Variants in MINDY3 observed in about 807,000 individuals in gnomAD.
MINDY3 encodes the protein ubiquitin carboxyl-terminal hydrolase MINDY-3.
MINDY3 carries 38 observed loss-of-function variants against 69.2 expected under a neutral mutation model. That is an observed-to-expected ratio of 0.55 (90% CI 0.42 to 0.72). MINDY3 has a LOEUF of 0.72. MINDY3 is among the 30% of genes least tolerant of loss of function. MINDY3 has a pLI of 0.00. For synonymous variants in MINDY3, 192 were observed against 180.1 expected (o/e 1.07, Z -0.53); for missense variants, 522 against 519.0 (o/e 1.01, Z -0.06).
In MINDY3 at chr10:15,836,929, CA is replaced by C. The variant is rs1308179200; in HGVS notation, c.576+274del. Among the ~76,000 whole-genome samples the C allele has an allele frequency of 2.0e-5, 3 of 151,802 alleles. No individual in the cohort carries two copies. The East Asian group carries it at 5.8e-4, about 29-fold the overall frequency. The stretch of plus-strand genomic sequence containing the variant: ...GAAGGGGTTAAGGGGTCAAGTGCTA[CA>C]CGGAAGGATCAAAGGAAACACAATT... On this transcript the variant is annotated intron_variant, in intron 6 of 14. Coordinates refer to ENST00000277632, the MANE Select transcript of MINDY3 (RefSeq NM_024948.4).
intron 10 of MINDY3, among the ~76,000 whole-genome samples, chr10:15,805,710 G>A (rs986511822): frequency 6.6e-6 from 1 of 152,124 alleles, no homozygotes. Context: ...CTAGCTCCTA[G>A]CAGAAACTTT....
At chr10:15,841,227 T>C (rs139974607) in intron 4 of MINDY3, among the ~76,000 whole-genome samples, 199 bp downstream of exon 4, 1,566 of 151,506 alleles carry the variant, frequency 0.01, 31 homozygotes, top group African/African-American at 0.036. Context: ...GCATTTTTTT[T>C]TGCAAAAATG....
At chr10:15,826,877 T>C (rs985191601) in intron 8 of MINDY3, among the ~76,000 whole-genome samples, 1 of 151,704 alleles carries the variant, frequency 6.6e-6, no homozygotes, top group Non-Finnish European at 1.5e-5. Flanking sequence ...CATTCATAAA[T>C]ACAAAATCCA....
chr10:15,796,044 A>G (rs1837795802), intron 11 of MINDY3, 56 bp downstream of exon 11: 3 of 1,240,904 alleles, frequency 2.4e-6, no homozygotes, highest in Non-Finnish European at 3.5e-6. Context: ...GTCGCTATCA[A>G]TGTATTTCAA....
At position 15,860,315 on chromosome 10, in the gene MINDY3, G is replaced by A; in HGVS notation, c.-16C>T. ...GTTCGGACATGATGAGGAACCGGCG[G>A]GCGGATCTTCGCTTTGCGGACTCCT... is the stretch of plus-strand genomic sequence containing the variant. On this transcript the variant is annotated 5_prime_UTR_variant, in exon 1 of 15. Transcript: ENST00000277632. 1 of 1,575,384 alleles carries A rather than the reference G, an allele frequency of 6.3e-7. No homozygotes were observed. Among genetic ancestry groups the A allele is most frequent in the Non-Finnish European group, 8.6e-7 (1 of 1,157,004 alleles).
intron 8 of MINDY3, among the ~76,000 whole-genome samples, chr10:15,827,530 G>T (rs1840173028): frequency 6.7e-6 from 1 of 149,110 alleles, no homozygotes; most frequent in Non-Finnish European, 1.5e-5. Context: ...GTGACAGAGT[G>T]AGACTCCGTC....
chr10:15,808,319 G>A (rs1838770669), intron 10 of MINDY3, among the ~76,000 whole-genome samples: 1 of 152,160 alleles, frequency 6.6e-6, no homozygotes, highest in South Asian at 2.1e-4. Context: ...ATAAAAGGAT[G>A]AGGTAACTAA....
intron 4 of MINDY3, among the ~76,000 whole-genome samples, chr10:15,839,384 T>C (rs1244759957): frequency 6.6e-6 from 1 of 151,614 alleles, no homozygotes; most frequent in Admixed American, 6.6e-5. Context: ...GCCAAAACTA[T>C]ACACACCACA....
chr10:15,849,698 G>GAGAGGGTGCCGA (rs1015854052), intron 1 of MINDY3, among the ~76,000 whole-genome samples: 8 of 152,174 alleles, frequency 5.3e-5, no homozygotes, highest in African/African-American at 1.9e-4. Flanking sequence ...GAGAGCAATG[G>GAGAGGGTGCCGA]AGAGGGTGCC....
chr10:15,786,910 T>C (rs1837016283), intron 12 of MINDY3, among the ~76,000 whole-genome samples: 4 of 152,204 alleles, frequency 2.6e-5, no homozygotes, highest in Non-Finnish European at 4.4e-5. Flanking sequence ...GGTAAAGTAA[T>C]TTAAAAACCA....
chr10:15,818,792 A>C (rs1839551240), intron 9 of MINDY3, among the ~76,000 whole-genome samples: 1 of 152,220 alleles, frequency 6.6e-6, no homozygotes, highest in South Asian at 2.1e-4. Context: ...AGGTAAATCC[A>C]CAGAGGCAGA....
chr10:15,812,779 G>A (rs1839096331), intron 10 of MINDY3, among the ~76,000 whole-genome samples: 1 of 152,094 alleles, frequency 6.6e-6, no homozygotes, highest in African/African-American at 2.4e-5. Flanking sequence ...TTAATAACAA[G>A]CAGTTACATT....
intron 5 of MINDY3, chr10:15,837,565 T>C (rs759681075): frequency 9.3e-6 from 13 of 1,402,296 alleles, no homozygotes; most frequent in Middle Eastern, 1.9e-4. Context: ...TCTTCATCTC[T>C]TAGGTGAACT....
At chr10:15,802,058 A>G (rs1232016798) in intron 10 of MINDY3, among the ~76,000 whole-genome samples, 1 of 151,582 alleles carries the variant, frequency 6.6e-6, no homozygotes, top group Non-Finnish European at 1.5e-5. Context: ...ATTACAGTAT[A>G]TAATACATAT....
intron 5 of MINDY3, chr10:15,837,985 T>C: frequency 4.1e-6 from 4 of 972,976 alleles, no homozygotes; most frequent in Non-Finnish European, 4.9e-6. Context: ...ATTGTAATGA[T>C]GAAAAAGCTT....
intron 8 of MINDY3, among the ~76,000 whole-genome samples, chr10:15,833,067 T>C (rs1000529076): frequency 6.6e-6 from 1 of 152,194 alleles, no homozygotes; most frequent in African/African-American, 2.4e-5. Context: ...CAGCTCTCCT[T>C]AACGGAATGG....
intron 1 of MINDY3, among the ~76,000 whole-genome samples, chr10:15,850,457 G>A (rs1007820323): frequency 6.6e-6 from 1 of 152,148 alleles, no homozygotes; most frequent in African/African-American, 2.4e-5. Flanking sequence ...TTCTCAGCAA[G>A]GAACAGCCCT....
chr10:15,812,287 A>C (rs1839059707), intron 10 of MINDY3, among the ~76,000 whole-genome samples: 1 of 152,170 alleles, frequency 6.6e-6, no homozygotes, highest in African/African-American at 2.4e-5. Flanking sequence ...AATTTCTGGG[A>C]AATAGTATAA....
rs1019103347 is a variant in MINDY3, at chr10:15,835,693, A to C, written c.577-1077T>G. On this transcript the variant is annotated intron_variant, in intron 6 of 14. Coordinates refer to ENST00000277632, the MANE Select transcript of MINDY3 (RefSeq NM_024948.4). Reference sequence around the variant, plus strand: ...TGGAGAATACTGAACAGTCAAGAAGAGCTTATAAGAAACCAGTCATCTTAG... The same window carrying C: ...TGGAGAATACTGAACAGTCAAGAAGCGCTTATAAGAAACCAGTCATCTTAG... Among the ~76,000 whole-genome samples, 3 of 152,110 alleles carry C rather than the reference A, an allele frequency of 2.0e-5. No individual in the cohort carries two copies. The South Asian group carries it at 6.2e-4, about 31-fold the overall frequency.
Sources: allele counts gnomAD v4.1 joint callset (sites outside exome capture counted in the v4.1 genomes callset), GRCh38; gene constraint gnomAD v4.1.1; transcripts MANE v1.5; gene names NCBI Gene and HGNC (gene_info 2026-07-23, HGNC 2026-07-21).